The following PLEKHG1 variants were observed in gnomAD, a reference collection of about 807,000 sequenced individuals.
The protein encoded by PLEKHG1 is pleckstrin homology and RhoGEF domain containing G1.
In PLEKHG1, 44 loss-of-function variants were observed where a neutral mutation model predicts 100.8. That is an observed-to-expected ratio of 0.44 (90% CI 0.34 to 0.56). The LOEUF is 0.56. PLEKHG1 is among the 20% of genes least tolerant of loss of function. The pLI, the probability that PLEKHG1 is intolerant of heterozygous loss-of-function variation, is 0.01. For synonymous variants in PLEKHG1, 640 were observed against 662.5 expected (o/e 0.97, Z 0.52); for missense variants, 1,545 against 1,720.9 (o/e 0.90, Z 1.81).
chr6:150,830,448 C>A (rs1776852204), intron 14 of PLEKHG1, 134 bp from the exon 16 acceptor site: 1 of 653,468 alleles, frequency 1.5e-6, no homozygotes, highest in Non-Finnish European at 2.5e-6. Flanking sequence ...CACAGCAAGA[C>A]CCTATCTCAG....
chr6:150,753,434 G>T (rs1467727427), intron 2 of PLEKHG1, among the ~76,000 whole-genome samples: 1 of 152,152 alleles, frequency 6.6e-6, no homozygotes, highest in Admixed American at 6.5e-5. Flanking sequence ...TGGGGCTTAC[G>T]GTGATGCCCT....
chr6:150,717,993 G>A (rs751931378), upstream of PLEKHG1, among the ~76,000 whole-genome samples: 4 of 152,266 alleles, frequency 2.6e-5, no homozygotes, highest in East Asian at 3.9e-4. Flanking sequence ...TGGCAGGATC[G>A]CTTGAACCTG....
At chr6:150,656,789 G>T (rs1778986333) in intron 3 of PLEKHG1, among the ~76,000 whole-genome samples, 1 of 152,172 alleles carries the variant, frequency 6.6e-6, no homozygotes, top group South Asian at 2.1e-4. Flanking sequence ...GTTACAGGAA[G>T]AAATATGAAT....
intron 1 of PLEKHG1, among the ~76,000 whole-genome samples, chr6:150,725,335 G>A (rs1781908701): frequency 6.6e-6 from 1 of 152,164 alleles, no homozygotes; most frequent in African/African-American, 2.4e-5. Flanking sequence ...TTCAACATAT[G>A]AATTTTGAGA....
At chr6:150,726,497 A>G (rs76050295) in intron 1 of PLEKHG1, among the ~76,000 whole-genome samples, 10,280 of 152,254 alleles carry the variant, frequency 0.068, 1,058 homozygotes, top group African/African-American at 0.22. Context: ...TTTTAAATGT[A>G]TAAAAAAGTT....
chr6:150,693,578 G>A (rs539890824), intron 3 of PLEKHG1, among the ~76,000 whole-genome samples: 7 of 152,290 alleles, frequency 4.6e-5, no homozygotes, highest in East Asian at 1.9e-4. Flanking sequence ...GCACAGCTCC[G>A]TGGTTCAGGC....
chr6:150,665,524 G>A (rs1403388871), intron 3 of PLEKHG1, among the ~76,000 whole-genome samples: 4 of 152,080 alleles, frequency 2.6e-5, no homozygotes, highest in African/African-American at 4.8e-5. Flanking sequence ...CAGCTACTCA[G>A]TAGGCTGAGG....
intron 1 of PLEKHG1, among the ~76,000 whole-genome samples, chr6:150,730,172 T>C (rs907073055): frequency 5.9e-5 from 9 of 152,156 alleles, no homozygotes; most frequent in Non-Finnish European, 1.3e-4. Flanking sequence ...GAGAGATAGA[T>C]TCTTCTCCGG....
chr6:150,827,706 G>A (rs776437231), intron 14 of PLEKHG1: 2 of 1,166,746 alleles, frequency 1.7e-6, no homozygotes, highest in Non-Finnish European at 2.6e-6. Context: ...GACATCTTAC[G>A]CAAAAAGGGT....
chr6:150,709,107 A>T (rs1435889118), intron 3 of PLEKHG1, among the ~76,000 whole-genome samples: 1 of 152,124 alleles, frequency 6.6e-6, no homozygotes, highest in African/African-American at 2.4e-5. Flanking sequence ...GCCGAGGCGG[A>T]CGGAACACAA....
chr6:150,706,981 CTTTTCTTTTTCT>C (rs1416478700), intron 3 of PLEKHG1, among the ~76,000 whole-genome samples: 2 of 50,918 alleles, frequency 3.9e-5, no homozygotes, highest in South Asian at 1.1e-3. Flanking sequence ...TTTTTCTTTT[CTTTTCTTTTTCT>C]TTTTCTTTTT....
chr6:150,628,794 A>T (rs1268590947), intron 1 of PLEKHG1, among the ~76,000 whole-genome samples: 1 of 152,218 alleles, frequency 6.6e-6, no homozygotes, highest in Admixed American at 6.5e-5. Flanking sequence ...CCTGTGTTGT[A>T]GTAATAGCCC....
intron 1 of PLEKHG1, among the ~76,000 whole-genome samples, chr6:150,609,309 T>G (rs1776727369): frequency 6.6e-6 from 1 of 151,982 alleles, no homozygotes; most frequent in African/African-American, 2.4e-5. Context: ...GGAAATGGGG[T>G]GGGGCATTGT....
chr6:150,664,024 G>A (rs1779308384), intron 3 of PLEKHG1: 1 of 152,184 alleles, frequency 6.6e-6, no homozygotes, highest in Non-Finnish European at 1.5e-5. Context: ...AATTGCTCTT[G>A]AAGGAGTACA....
chr6:150,702,132 C>T (rs762390573), intron 3 of PLEKHG1, among the ~76,000 whole-genome samples: 3 of 152,178 alleles, frequency 2.0e-5, no homozygotes, highest in Non-Finnish European at 2.9e-5. Flanking sequence ...ACATGAACAT[C>T]TTTTGCCACT....
At chr6:150,740,472 G>A (rs1026293031) in intron 2 of PLEKHG1, among the ~76,000 whole-genome samples, 3 of 152,158 alleles carry the variant, frequency 2.0e-5, no homozygotes, top group African/African-American at 7.2e-5. Flanking sequence ...AGATTTTATT[G>A]TCTTTTTACT....
At chr6:150,733,925 G>T (rs1215060350) in exon 2 of PLEKHG1, 1 of 1,614,170 alleles carries the variant, frequency 6.2e-7, no homozygotes, top group South Asian at 1.1e-5. Flanking sequence ...CGCGGATGAG[G>T]GCAGCGAAAG....
At chr6:150,782,513 G>A (rs971069879) in intron 3 of PLEKHG1, among the ~76,000 whole-genome samples, 3 of 152,258 alleles carry the variant, frequency 2.0e-5, no homozygotes, top group African/African-American at 4.8e-5. Flanking sequence ...GGATGTTAGT[G>A]GGCTATGAAA....
chr6:150,638,949 T>C (rs1023597663), intron 2 of PLEKHG1, among the ~76,000 whole-genome samples: 2 of 152,240 alleles, frequency 1.3e-5, no homozygotes, highest in African/African-American at 4.8e-5. Flanking sequence ...TAAAGAGTGA[T>C]AACCACATGT....
Sources: gnomAD v4.1 joint callset for allele counts (sites outside exome capture counted in the v4.1 genomes callset) on GRCh38, gnomAD v4.1.1 for gene constraint, MANE v1.5 for transcripts, NCBI Gene and HGNC (gene_info 2026-07-23, HGNC 2026-07-21) for gene names.